Variants in KCNMA1 observed in about 807,000 individuals in gnomAD.
KCNMA1 encodes Calcium-activated potassium channel subunit alpha-1.
A neutral mutation model predicts 140.0 loss-of-function variants in KCNMA1; 29 were observed. That is an observed-to-expected ratio of 0.21 (90% CI 0.15 to 0.28). The LOEUF (loss-of-function observed/expected upper bound fraction) is 0.28. Among genes scored for constraint, KCNMA1 ranks in the 10% least tolerant of loss-of-function variants. KCNMA1 has a pLI of 1.00. For missense variants in KCNMA1, 880 were observed against 1,602.2 expected, an observed-to-expected ratio of 0.55 and a Z score of 7.70; for synonymous variants, 612 against 611.9, an observed-to-expected ratio of 1.00 and a Z score of 0.00.
At chr10:77,427,798 G>T (rs1207403792) in intron 1 of KCNMA1, among the ~76,000 whole-genome samples, 1 of 151,766 alleles carries the variant, frequency 6.6e-6, no homozygotes, top group African/African-American at 2.4e-5. Context: ...CACCCAGGCT[G>T]GAGTGCAGTG....
chr10:77,580,184 A>G (rs2075442377), intron 1 of KCNMA1, among the ~76,000 whole-genome samples: 1 of 152,128 alleles, frequency 6.6e-6, no homozygotes, highest in Non-Finnish European at 1.5e-5. Flanking sequence ...GATCGAGACC[A>G]TCTTGGCTAA....
intron 1 of KCNMA1, among the ~76,000 whole-genome samples, chr10:77,447,280 G>T (rs1467449985): frequency 4.6e-5 from 7 of 152,202 alleles, no homozygotes; most frequent in African/African-American, 1.7e-4. Flanking sequence ...AGCTGCATCA[G>T]CTCTCGACTT....
chr10:77,351,229 T>C (rs1335191207), intron 2 of KCNMA1, among the ~76,000 whole-genome samples: 1 of 152,206 alleles, frequency 6.6e-6, no homozygotes, highest in African/African-American at 2.4e-5. Flanking sequence ...CAGTCAACTC[T>C]GAGAAGACTA....
downstream of KCNMA1, among the ~76,000 whole-genome samples, chr10:76,881,821 G>T (rs1389712032): frequency 2.0e-5 from 3 of 152,080 alleles, no homozygotes; most frequent in Non-Finnish European, 4.4e-5. Context: ...AGGGGGATTT[G>T]GTTGGTCATC....
chr10:77,371,166 C>A (rs761259889), intron 2 of KCNMA1, among the ~76,000 whole-genome samples: 2 of 152,152 alleles, frequency 1.3e-5, no homozygotes, highest in African/African-American at 2.4e-5. Context: ...ACGCTGGCTC[C>A]CTTTCCTTTA....
intron 2 of KCNMA1, among the ~76,000 whole-genome samples, chr10:77,295,108 GA>G (rs1212128435): frequency 6.6e-6 from 1 of 151,946 alleles, no homozygotes; most frequent in Non-Finnish European, 1.5e-5. Context: ...AGCACTTTGG[GA>G]AGCCAAGGTG....
At chr10:76,907,067 G>A (rs1413900484) in intron 25 of KCNMA1, among the ~76,000 whole-genome samples, 2 of 152,182 alleles carry the variant, frequency 1.3e-5, no homozygotes, top group African/African-American at 2.4e-5. Flanking sequence ...TGTAGCTAAA[G>A]TGCCTCGCAC....
At chr10:77,470,104 G>C (rs1240350625) in intron 1 of KCNMA1, among the ~76,000 whole-genome samples, 1 of 152,108 alleles carries the variant, frequency 6.6e-6, no homozygotes, top group Non-Finnish European at 1.5e-5. Flanking sequence ...TTCTTTTGGA[G>C]GGATGTAGGA....
chr10:77,429,408 T>C (rs676267), intron 1 of KCNMA1, among the ~76,000 whole-genome samples: 74,174 of 152,040 alleles, frequency 0.49, 19,693 homozygotes, highest in African/African-American at 0.7. Flanking sequence ...ACCCCCATCC[T>C]TAATTGTGAC....
chr10:77,561,516 C>T (rs943563305), intron 1 of KCNMA1, among the ~76,000 whole-genome samples: 2 of 152,198 alleles, frequency 1.3e-5, no homozygotes, highest in African/African-American at 4.8e-5. Context: ...TTGGACCCTC[C>T]TAATTACCTC....
intron 23 of KCNMA1, among the ~76,000 whole-genome samples, chr10:76,934,131 C>T (rs886929636): frequency 2.0e-5 from 3 of 152,052 alleles, no homozygotes; most frequent in Non-Finnish European, 4.4e-5. Flanking sequence ...AGCCACCACA[C>T]CAGGCTTATT....
intron 2 of KCNMA1, among the ~76,000 whole-genome samples, chr10:77,282,510 T>G (rs1016418484): frequency 1.3e-5 from 2 of 152,234 alleles, no homozygotes; most frequent in Non-Finnish European, 2.9e-5. Flanking sequence ...TTGGCTCTCA[T>G]AGCAGAATGT....
chr10:77,394,792 A>G (rs142512154), intron 2 of KCNMA1, among the ~76,000 whole-genome samples: 1 of 152,242 alleles, frequency 6.6e-6, no homozygotes, highest in Non-Finnish European at 1.5e-5. Flanking sequence ...AGGCCACTTG[A>G]AGAGGAATAT....
intron 5 of KCNMA1, among the ~76,000 whole-genome samples, chr10:77,160,218 C>T (rs1564896598): frequency 6.6e-6 from 1 of 152,152 alleles, no homozygotes; most frequent in Non-Finnish European, 1.5e-5. Context: ...CCTCAGCTGC[C>T]TCCCTATATG....
chr10:77,582,629 C>G (rs1483695720), intron 1 of KCNMA1, among the ~76,000 whole-genome samples: 1 of 152,192 alleles, frequency 6.6e-6, no homozygotes, highest in Admixed American at 6.5e-5. Context: ...TTGCCATGCC[C>G]TAAATCCGCT....
rs111887608 is a variant in KCNMA1, at chr10:77,186,493, C to G, written c.603-1577G>C. Among the ~76,000 whole-genome samples, 70 of 152,256 alleles carry G rather than the reference C, an allele frequency of 4.6e-4. 1 individual carries two copies. The highest frequency in any genetic ancestry group is 1.6e-3 in the African/African-American group (66 of 41,556). ...AGACACAAGCAAGGAAGCCAAATAT[C>G]ACAGCCTGCCATGGCTCTAGGCCTG... is the stretch of plus-strand genomic sequence containing the variant. On this transcript the variant is annotated intron_variant, in intron 3 of 27. Transcript: ENST00000286628.
At chr10:76,907,995 TA>T (rs59365607) in intron 25 of KCNMA1, among the ~76,000 whole-genome samples, 3,257 of 152,320 alleles carry the variant, frequency 0.021, 113 homozygotes, top group African/African-American at 0.074. Flanking sequence ...TTTGGAATTT[TA>T]AAAATGTTAT....
At chr10:77,354,986 T>C (rs1023241754) in intron 2 of KCNMA1, among the ~76,000 whole-genome samples, 2 of 152,216 alleles carry the variant, frequency 1.3e-5, no homozygotes, top group African/African-American at 4.8e-5. Flanking sequence ...CCAAATCTCA[T>C]CTTGAATTGT....
rs1443161922 is a variant in KCNMA1 at position 76,970,081 on chromosome 10, C to G, written c.2267-14G>C. ...GCTCATCTTCAACTGGAAATACAGG[C>G]AGCTCATGAGATTATGAACAGTTTG... is the stretch of plus-strand genomic sequence containing the variant. On this transcript the variant is annotated splice_polypyrimidine_tract_variant and intron_variant, in intron 19 of 27. Coordinates refer to ENST00000286628, the MANE Select transcript of KCNMA1 (RefSeq NM_001161352.2). 6.2e-7 allele frequency: 1 copy of G among 1,607,354 alleles called. No homozygotes were observed. Among genetic ancestry groups the G allele is most frequent in the Non-Finnish European group, 8.5e-7 (1 of 1,174,064 alleles).
Sources: allele counts gnomAD v4.1 joint callset (sites outside exome capture counted in the v4.1 genomes callset), GRCh38; gene constraint gnomAD v4.1.1; transcripts MANE v1.5; gene names NCBI Gene and HGNC (gene_info 2026-07-23, HGNC 2026-07-21).